Variants in TAF3 observed in about 807,000 individuals in gnomAD.
TAF3 encodes the protein transcription initiation factor TFIID subunit 3.
Under a neutral mutation model 80.6 loss-of-function variants are expected in TAF3, and 7 were observed. The ratio of observed to expected loss-of-function variants is 0.09; its 90% confidence interval spans 0.05 to 0.16. The LOEUF (loss-of-function observed/expected upper bound fraction) is 0.16. Among genes scored for constraint, TAF3 ranks in the 10% least tolerant of loss-of-function variants. TAF3 has a pLI of 1.00. For synonymous variants in TAF3, 444 were observed against 446.1 expected (o/e 1.00, Z 0.06); for missense variants, 921 against 1,140.2 (o/e 0.81, Z 2.77).
intron 2 of TAF3, among the ~76,000 whole-genome samples, chr10:7,842,564 G>A (rs1342224340): frequency 6.6e-6 from 1 of 152,080 alleles, no homozygotes; most frequent in East Asian, 1.9e-4. Flanking sequence ...TTTTTTAGAT[G>A]CGGGCTTAAA....
In TAF3 at chr10:7,892,818, C is replaced by CTTT. The variant is rs1020623158; in HGVS notation, c.409+68272_409+68274dup. Among the ~76,000 whole-genome samples, 21 of 137,144 alleles carry CTTT rather than the reference C, an allele frequency of 1.5e-4. No homozygotes were observed. The South Asian group carries it at 1.6e-3, about 11-fold the overall frequency. 90.0% of individuals were successfully genotyped at this position (137,144 alleles called of 152,430 possible). ...TTTCAATATATTTTCTTTTCTTTTT[C>CTTT]TTTTTTTTTTTTTTTTGAGACGGAG... On this transcript the variant is annotated intron_variant, in intron 2 of 6. Transcript: ENST00000344293.
intron 2 of TAF3, among the ~76,000 whole-genome samples, chr10:7,916,247 A>G (rs1226056148): frequency 6.6e-6 from 1 of 152,224 alleles, no homozygotes; most frequent in Non-Finnish European, 1.5e-5. Context: ...AATCTCCTTC[A>G]GGTAATTAAT....
At chr10:7,843,987 C>T (rs1165776287) in intron 2 of TAF3, among the ~76,000 whole-genome samples, 1 of 152,010 alleles carries the variant, frequency 6.6e-6, no homozygotes, top group Non-Finnish European at 1.5e-5. Context: ...AATGAATATC[C>T]AATTAAATGT....
At chr10:7,954,966 C>T (rs1838121505) in intron 2 of TAF3, among the ~76,000 whole-genome samples, 1 of 148,982 alleles carries the variant, frequency 6.7e-6, no homozygotes, top group Non-Finnish European at 1.5e-5. Context: ...TTAACACGAG[C>T]TCTCCATAGT....
rs1836754231 is a variant in TAF3 at position 7,827,514 on chromosome 10, G to A, written c.409+2954G>A. Among the ~76,000 whole-genome samples the A allele has an allele frequency of 3.9e-5, 6 of 152,222 alleles. No individual in the cohort carries two copies. In the South Asian group the frequency reaches 1.2e-3, roughly 32 times the overall value. On this transcript the variant is annotated intron_variant, in intron 2 of 6. Transcript: ENST00000344293. ...ATAAAAAACTTGGCTGGGCGCAGTG[G>A]CTCACGCCTGTAATCCCAGCACTTT... is the stretch of plus-strand genomic sequence containing the variant.
intron 2 of TAF3, among the ~76,000 whole-genome samples, chr10:7,827,323 A>ATT (rs56304036): frequency 6.6e-6 from 1 of 151,666 alleles, no homozygotes; most frequent in Non-Finnish European, 1.5e-5. Flanking sequence ...GAATCAAGTA[A>ATT]TTTTTTTTTG....
chr10:7,842,045 C>T (rs1432195215), intron 2 of TAF3, among the ~76,000 whole-genome samples: 1 of 151,972 alleles, frequency 6.6e-6, no homozygotes, highest in Non-Finnish European at 1.5e-5. Context: ...AGGCACCACG[C>T]CCGATGTGGG....
At position 7,898,545 on chromosome 10, in the gene TAF3, CAA is replaced by C. The variant is rs35137273; in HGVS notation, c.410-65351_410-65350del. Among the ~76,000 whole-genome samples, 793 of 96,124 alleles carry C rather than the reference CAA, an allele frequency of 8.2e-3. 8 individuals are homozygous for C. Among genetic ancestry groups the C allele is most frequent in the South Asian group, 0.033 (96 of 2,926 alleles). The allele number at this position is 96,124 out of a possible 152,430, so 63.1% of individuals were successfully genotyped here. On this transcript the variant is annotated intron_variant, in intron 2 of 6. Coordinates refer to ENST00000344293, the MANE Select transcript of TAF3 (RefSeq NM_031923.4). ...TGGGCGACAGAACAAGACTCTGTCTCAAAAAAAAAAAAAAAAAAAAAAAAATC... is the reference window on the plus strand; with the variant it reads ...TGGGCGACAGAACAAGACTCTGTCTCAAAAAAAAAAAAAAAAAAAAAAATC...
intron 2 of TAF3, 140 bp downstream of exon 2, chr10:7,824,700 C>T: frequency 3.5e-6 from 4 of 1,150,842 alleles, no homozygotes; most frequent in Non-Finnish European, 4.8e-6. Context: ...TTATTCTAAC[C>T]CTTAAACCAA....
chr10:7,938,963 G>T (rs1837950835), intron 2 of TAF3, among the ~76,000 whole-genome samples: 1 of 152,142 alleles, frequency 6.6e-6, no homozygotes, highest in African/African-American at 2.4e-5. Context: ...AAGCCGTAAG[G>T]ATAATAGAGC....
chr10:7,978,646 C>T (rs1831695646), intron 4 of TAF3, among the ~76,000 whole-genome samples: 1 of 152,180 alleles, frequency 6.6e-6, no homozygotes, highest in Admixed American at 6.5e-5. Context: ...GTCCTCATCC[C>T]TTAACCAGTA....
intron 2 of TAF3, among the ~76,000 whole-genome samples, chr10:7,890,883 A>G (rs1564357636): frequency 6.6e-6 from 1 of 152,198 alleles, no homozygotes; most frequent in Non-Finnish European, 1.5e-5. Flanking sequence ...TTTTACATTC[A>G]TATTTCCTTG....
intron 2 of TAF3, among the ~76,000 whole-genome samples, chr10:7,935,583 CAAAT>C (rs929748428): frequency 4.0e-5 from 6 of 151,786 alleles, no homozygotes; most frequent in Admixed American, 2.0e-4. Context: ...GACAACGTCT[CAAAT>C]AAATAAATAA....
intron 1 of TAF3, among the ~76,000 whole-genome samples, chr10:7,823,498 T>C (rs1327122174): frequency 6.6e-6 from 1 of 151,526 alleles, no homozygotes; most frequent in Non-Finnish European, 1.5e-5. Context: ...TACCCAGGCA[T>C]GGTGGCATGT....
intron 2 of TAF3, among the ~76,000 whole-genome samples, chr10:7,832,433 A>G (rs1468601046): frequency 1.3e-5 from 2 of 152,228 alleles, no homozygotes; most frequent in Non-Finnish European, 2.9e-5. Context: ...CACAGTAAGT[A>G]TAAATATTTA....
chr10:7,935,610 A>G (rs1267475179), intron 2 of TAF3, among the ~76,000 whole-genome samples: 1 of 152,130 alleles, frequency 6.6e-6, no homozygotes, highest in Non-Finnish European at 1.5e-5. Flanking sequence ...AAAGCAAGCA[A>G]GCTAAAGCTA....
intron 2 of TAF3, among the ~76,000 whole-genome samples, chr10:7,933,529 G>A (rs975930583): frequency 2.6e-5 from 4 of 152,216 alleles, no homozygotes; most frequent in African/African-American, 9.7e-5. Context: ...GGGAGTTTCT[G>A]TGCTGGGTTT....
chr10:7,850,620 G>A (rs538402517), intron 2 of TAF3, among the ~76,000 whole-genome samples: 31 of 151,786 alleles, frequency 2.0e-4, no homozygotes, highest in Non-Finnish European at 3.8e-4. Context: ...AGGTTGCAGT[G>A]AGCTGAGATG....
chr10:7,866,725 TG>T (rs1442041426), intron 2 of TAF3, among the ~76,000 whole-genome samples: 1 of 152,088 alleles, frequency 6.6e-6, no homozygotes, highest in African/African-American at 2.4e-5. Flanking sequence ...AAGCCAAAGT[TG>T]CCAGGTGGAA....
Sources: allele counts gnomAD v4.1 joint callset (sites outside exome capture counted in the v4.1 genomes callset), GRCh38; gene constraint gnomAD v4.1.1; transcripts MANE v1.5; gene names NCBI Gene and HGNC (gene_info 2026-07-23, HGNC 2026-07-21).